TBC1D24: variants seen among roughly 807,000 people sequenced by gnomAD.
The protein encoded by TBC1D24 is Infantile myoclonic epilepsy.
Under a neutral mutation model 50.7 loss-of-function variants are expected in TBC1D24, and 47 were observed. The ratio of observed to expected loss-of-function variants is 0.93; its 90% confidence interval spans 0.73 to 1.18. The LOEUF (loss-of-function observed/expected upper bound fraction) is 1.18. Among genes scored for constraint, TBC1D24 ranks in the 50% most tolerant of loss-of-function variants. The pLI is 0.00. For missense variants in TBC1D24, 688 were observed against 766.5 expected (o/e 0.90, Z 1.21); for synonymous variants, 324 against 335.2 (o/e 0.97, Z 0.36).
chr16:2,493,508 A>G (rs1200516432), intron 1 of TBC1D24: 1 of 152,212 alleles, frequency 6.6e-6, no homozygotes, highest in Non-Finnish European at 1.5e-5. Flanking sequence ...GTGTTTTCCC[A>G]AGACAGTGTC....
intron 1 of TBC1D24, chr16:2,476,594 A>C (rs1406503324): frequency 1.3e-5 from 2 of 152,290 alleles, no homozygotes; most frequent in African/African-American, 4.8e-5. Flanking sequence ...TGCTCTACTT[A>C]GAAGCCTGTC....
At position 2,487,443 on chromosome 16, in the gene TBC1D24, C is replaced by T. The variant is rs1037195117; in HGVS notation, c.-115-8591C>T. On this transcript the variant is annotated intron_variant, in intron 1 of 7. Transcript: ENST00000646147. The surrounding 1 kb of genome is among the most constrained non-coding windows in gnomAD (Gnocchi z 4.1). Reference sequence around the variant, plus strand: ...GCACGGTGTCGGGGTTGGTGTTGGCCGTGTTAAAATGTCATCAATGAGGCT... The same window carrying T: ...GCACGGTGTCGGGGTTGGTGTTGGCTGTGTTAAAATGTCATCAATGAGGCT... Among the ~76,000 whole-genome samples the T allele has an allele frequency of 5.9e-5, 9 of 152,308 alleles. No individual in the cohort carries two copies. The East Asian group carries it at 9.6e-4, about 16-fold the overall frequency.
chr16:2,490,064 T>C (rs2065683369), intron 1 of TBC1D24, among the ~76,000 whole-genome samples: 1 of 152,196 alleles, frequency 6.6e-6, no homozygotes, highest in East Asian at 1.9e-4. Flanking sequence ...GCTGCTTCTT[T>C]CTCACTCCTC....
At position 2,482,841 on chromosome 16, in the gene TBC1D24, G is replaced by C. The variant is rs558832805; in HGVS notation, c.-116+7671G>C. Among the ~76,000 whole-genome samples, 1,057 of 152,310 alleles carry C rather than the reference G, an allele frequency of 6.9e-3. 8 individuals are homozygous for C. Among genetic ancestry groups the C allele is most frequent in the Non-Finnish European group, 0.011 (729 of 68,020 alleles). On this transcript the variant is annotated intron_variant, in intron 1 of 7. Transcript: ENST00000646147. This position sits in a 1 kb window ranked among gnomAD's most constrained non-coding sequence, Gnocchi z 5.2. The stretch of plus-strand genomic sequence containing the variant: ...AGCAGCCGCGGAGAGGTGAGGGGAT[G>C]CCTGGCAGGGAGGCAGGCGGGATGA...
At chr16:2,488,391 C>G (rs1478766897) in intron 1 of TBC1D24, among the ~76,000 whole-genome samples, 1 of 151,964 alleles carries the variant, frequency 6.6e-6, no homozygotes, top group Admixed American at 6.6e-5. Flanking sequence ...GAACTGTGCC[C>G]TGTGGCCAGA....
In TBC1D24 at chr16:2,486,179, C is replaced by T. The variant is rs980844724; in HGVS notation, c.-115-9855C>T. On this transcript the variant is annotated intron_variant, in intron 1 of 7. Transcript: ENST00000646147. The surrounding 1 kb of genome is among the most constrained non-coding windows in gnomAD (Gnocchi z 5.8). The stretch of plus-strand genomic sequence containing the variant: ...TGGGGAGCGAGATTGTTTTGGATCC[C>T]GCCAGGGGAGCCCACTGAGAGGAGC... 1.3e-5 allele frequency among the ~76,000 whole-genome samples: 2 copies of T among 152,190 alleles called. No homozygotes were observed. The highest frequency in any genetic ancestry group is 6.5e-5 in the Admixed American group (1 of 15,284).
At chr16:2,497,150 G>T (rs1166217587) in intron 2 of TBC1D24, 37 bp downstream of exon 2, 1 of 1,598,412 alleles carries the variant, frequency 6.3e-7, no homozygotes, top group Admixed American at 1.7e-5. Flanking sequence ...TACACCCAGG[G>T]TCGGGGGCTG....
chr16:2,500,712 C>T lies in TBC1D24; in HGVS notation c.1526-92C>T, dbSNP rs536578965. On this transcript the variant is annotated intron_variant, in intron 7 of 7. Transcript: ENST00000646147. This position sits in a 1 kb window ranked among gnomAD's most constrained non-coding sequence, Gnocchi z 8.0. ...CGGTCTGTGCGGTTTCAGAGAGGCCCGTGCAGGGCAGGACAGCTGGGACAG... is the reference window on the plus strand; with the variant it reads ...CGGTCTGTGCGGTTTCAGAGAGGCCTGTGCAGGGCAGGACAGCTGGGACAG... The T allele has an allele frequency of 3.4e-6, 5 of 1,490,206 alleles. No homozygotes were observed. Among genetic ancestry groups the T allele is most frequent in the Admixed American group, 4.1e-5 (2 of 49,140 alleles). 92.3% of individuals were successfully genotyped at this position (1,490,206 alleles called of 1,614,324 possible).
In TBC1D24 at chr16:2,499,819, C is replaced by G. The variant is rs201618854; in HGVS notation, c.1207-16C>G. 1.2e-4 allele frequency: 191 copies of G among 1,611,566 alleles called. No homozygotes were observed. The highest frequency in any genetic ancestry group is 1.8e-4 in the Admixed American group (11 of 60,026). ...GGGGGCCTGCGGGCACAGCCTCACC[C>G]AGACCTTTCCCCCAGGTGTGTGGTG... On this transcript the variant is annotated splice_polypyrimidine_tract_variant and intron_variant, in intron 5 of 7. Coordinates refer to ENST00000646147, the MANE Select transcript of TBC1D24 (RefSeq NM_001199107.2). The surrounding 1 kb of genome is among the most constrained non-coding windows in gnomAD (Gnocchi z 4.0).
At chr16:2,497,819 C>T in intron 3 of TBC1D24, 92 bp downstream of exon 3, 1 of 1,321,738 alleles carries the variant, frequency 7.6e-7, no homozygotes, top group Non-Finnish European at 1.1e-6. Flanking sequence ...CAGGGCTGCT[C>T]TCGTGGGCCA....
Position 2,500,259 on chromosome 16 carries a change from C to G in TBC1D24, c.1303-9C>G. 1 of 1,592,998 alleles carries G rather than the reference C, an allele frequency of 6.3e-7. No homozygotes were observed. The highest frequency in any genetic ancestry group is 2.3e-5 in the East Asian group (1 of 43,376). ...CGCGCCAGCTCCTCACACTCCCCTT[C>G]CACCCCAGCTGCAGCCTGAGGTGCA... On this transcript the variant is annotated splice_polypyrimidine_tract_variant and intron_variant, in intron 6 of 7. Transcript: ENST00000646147. The surrounding 1 kb of genome is among the most constrained non-coding windows in gnomAD (Gnocchi z 8.0).
chr16:2,476,295 G>A (rs764557402), intron 1 of TBC1D24, among the ~76,000 whole-genome samples: 4 of 152,142 alleles, frequency 2.6e-5, no homozygotes, highest in Admixed American at 6.5e-5. Context: ...CGTTTCCTCC[G>A]CCCGAGGGCC....
chr16:2,489,977 C>T (rs555673277), intron 1 of TBC1D24, among the ~76,000 whole-genome samples: 11 of 152,346 alleles, frequency 7.2e-5, no homozygotes, highest in South Asian at 2.1e-4. Context: ...CGCCCTGTAG[C>T]GCAGCCAGCC....
rs928366699 is a variant in TBC1D24 at position 2,496,823 on chromosome 16, C to A, written c.675C>A (p.Phe225Leu). Residue 225 changes from phenylalanine (F) to leucine (L), a missense_variant, in exon 2 of 8, where the codon TTC becomes TTA. Coordinates refer to ENST00000646147, the MANE Select transcript of TBC1D24 (RefSeq NM_001199107.2). ...WLFGELPLCY[F>L]ARVFDVFLVE... ...TTGGGGAGCTGCCCCTCTGCTACTT[C>A]GCCCGGGTCTTTGACGTCTTCCTGG... 6.2e-7 allele frequency: 1 copy of A among 1,614,076 alleles called. No homozygotes were observed. The highest frequency in any genetic ancestry group is 1.1e-5 in the South Asian group (1 of 91,086).
chr16:2,480,549 T>C (rs1433468763), intron 1 of TBC1D24: 2 of 151,884 alleles, frequency 1.3e-5, no homozygotes, highest in Non-Finnish European at 2.9e-5. Flanking sequence ...TAATTTTAAT[T>C]GGGTGCCACA....
Position 2,501,416 on chromosome 16 carries a change from T to C in TBC1D24, c.*458T>C. The C allele has an allele frequency of 5.5e-6, 1 of 181,792 alleles. No homozygotes were observed. Among genetic ancestry groups the C allele is most frequent in the Non-Finnish European group, 1.2e-5 (1 of 84,646 alleles). The allele number at this position is 181,792 out of a possible 1,614,324, so 11.3% of individuals were successfully genotyped here. ...CATCGCGCCCTCCTGAGCAGGGCCCTGCAGCCTGGCTGGCTGGCGACTGAA... is the reference window on the plus strand; with the variant it reads ...CATCGCGCCCTCCTGAGCAGGGCCCCGCAGCCTGGCTGGCTGGCGACTGAA... On this transcript the variant is annotated 3_prime_UTR_variant, in exon 8 of 8. Transcript: ENST00000646147.
Position 2,475,969 on chromosome 16 carries a change from G to A in TBC1D24, c.-116+799G>A, listed in dbSNP as rs193193020. On this transcript the variant is annotated intron_variant, in intron 1 of 7. Transcript: ENST00000646147. This position sits in a 1 kb window ranked among gnomAD's most constrained non-coding sequence, Gnocchi z 4.2. ...GTCAAAGGTTGTCTAAAAGCCACCT[G>A]GGTGGTGTGGAGGTGCAGGTGGGCT... Among the ~76,000 whole-genome samples the A allele has an allele frequency of 2.6e-5, 4 of 152,392 alleles. No individual in the cohort carries two copies. The highest frequency in any genetic ancestry group is 9.6e-5 in the African/African-American group (4 of 41,600).
chr16:2,495,911 C>A, intron 1 of TBC1D24, 123 bp from the exon 2 acceptor site: 1 of 523,372 alleles, frequency 1.9e-6, no homozygotes, highest in Non-Finnish European at 3.4e-6. Context: ...GCACTCCAAC[C>A]TGGGCAACAG....
rs982793063 is a variant in TBC1D24, at chr16:2,505,503, A to G, written c.*4545A>G. ...TAGAAGGGAAAAAATAGTTGTGTGA[A>G]TGATTTTACCTCTTAGTTCTTACGA... On this transcript the variant is annotated 3_prime_UTR_variant, in exon 8 of 8. Coordinates refer to ENST00000646147, the MANE Select transcript of TBC1D24 (RefSeq NM_001199107.2). 7 of 152,240 alleles carry G rather than the reference A, an allele frequency of 4.6e-5. No homozygotes were observed. The highest frequency in any genetic ancestry group is 1.7e-4 in the African/African-American group (7 of 41,466). 9.4% of individuals were successfully genotyped at this position (152,240 alleles called of 1,614,324 possible).
Sources: gnomAD v4.1 joint callset for allele counts (sites outside exome capture counted in the v4.1 genomes callset) on GRCh38, gnomAD v4.1.1 for gene constraint, Gnocchi (gnomAD v3.1) non-coding constraint, MANE v1.5 for transcripts, NCBI Gene and HGNC (gene_info 2026-07-23, HGNC 2026-07-21) for gene names.